SNX9: variants seen among roughly 807,000 people sequenced by gnomAD.
The protein encoded by SNX9 is sorting nexin 9.
In SNX9, 44 loss-of-function variants were observed where a neutral mutation model predicts 89.4. The observed-to-expected ratio is 0.49, with a 90% CI of 0.39 to 0.63. The LOEUF is 0.63. Among genes scored for constraint, SNX9 ranks in the 30% least tolerant of loss-of-function variants. The pLI, the probability that SNX9 is intolerant of heterozygous loss-of-function variation, is 0.00. For missense variants in SNX9, 578 were observed against 736.1 expected (o/e 0.79, Z 2.49); for synonymous variants, 236 against 247.8 (o/e 0.95, Z 0.45).
chr6:157,885,137 A>G (rs1782708366), intron 4 of SNX9: 1 of 152,226 alleles, frequency 6.6e-6, no homozygotes. Flanking sequence ...AATTATCTTT[A>G]TTTAAAAAAT....
intron 1 of SNX9, among the ~76,000 whole-genome samples, chr6:157,862,449 C>T (rs1782157905): frequency 6.6e-6 from 1 of 152,182 alleles, no homozygotes; most frequent in Non-Finnish European, 1.5e-5. Context: ...AACTTCACTT[C>T]TCGAGGGTGT....
chr6:157,913,605 A>C (rs187405506), intron 9 of SNX9, among the ~76,000 whole-genome samples: 11 of 152,234 alleles, frequency 7.2e-5, no homozygotes, highest in Admixed American at 5.2e-4. Context: ...CCACCACTAC[A>C]TTTCATGATA....
chr6:157,858,982 C>G (rs900955675), intron 1 of SNX9, among the ~76,000 whole-genome samples: 3 of 152,202 alleles, frequency 2.0e-5, no homozygotes, highest in African/African-American at 7.2e-5. Context: ...AACCATATCA[C>G]ATACTCTCCA....
intron 17 of SNX9, among the ~76,000 whole-genome samples, chr6:157,942,281 G>A (rs1784050567): frequency 6.6e-6 from 1 of 152,200 alleles, no homozygotes; most frequent in East Asian, 1.9e-4. Context: ...TCCAGGGATG[G>A]ATAAGACAGC....
At chr6:157,908,320 A>C (rs1354127053) in intron 7 of SNX9, among the ~76,000 whole-genome samples, 3 of 152,178 alleles carry the variant, frequency 2.0e-5, no homozygotes, top group African/African-American at 7.2e-5. Context: ...CTCTGAGTGA[A>C]TCTGCTTCCT....
chr6:157,932,119 A>C (rs1040046028), intron 12 of SNX9, 76 bp from the exon 13 acceptor site: 1 of 1,288,012 alleles, frequency 7.8e-7, no homozygotes, highest in Non-Finnish European at 1.1e-6. Context: ...AGTTACTGTA[A>C]TCACTTTTAG....
At chr6:157,844,587 G>GTTTTTTTGTTTTTTTTTTTTTTTT (rs1554291784) in intron 1 of SNX9, among the ~76,000 whole-genome samples, 13 of 130,296 alleles carry the variant, frequency 1.0e-4, no homozygotes, top group Admixed American at 1.5e-4. Flanking sequence ...GCTAATCCTT[G>GTTTTTTTGTTTTTTTTTTTTTTTT]TTTTTTTTTT....
In SNX9 at chr6:157,943,919, G is replaced by A. The variant is rs940342790; in HGVS notation, c.*1081G>A. On this transcript the variant is annotated 3_prime_UTR_variant, in exon 18 of 18. Transcript: ENST00000392185. ...TCCCCATTAGATGGAAAAGTGTAGG[G>A]ACTGAGAAGGGCTGCAGCCTCAGCA... 6.6e-6 allele frequency: 1 copy of A among 152,278 alleles called. No homozygotes were observed. The highest frequency in any genetic ancestry group is 1.9e-4 in the East Asian group (1 of 5,202). The allele number at this position is 152,278 out of a possible 1,614,324, so 9.4% of individuals were successfully genotyped here.
At chr6:157,907,089 C>G (rs1183549960) in intron 7 of SNX9, among the ~76,000 whole-genome samples, 1 of 152,148 alleles carries the variant, frequency 6.6e-6, no homozygotes, top group Non-Finnish European at 1.5e-5. Context: ...GAGCTGTAAC[C>G]AAGAGCCCTT....
intron 15 of SNX9, 116 bp from the exon 16 acceptor site, chr6:157,938,513 TGTGG>T: frequency 6.7e-6 from 4 of 597,020 alleles, no homozygotes. Flanking sequence ...CTTCTTATTT[TGTGG>T]AGGTATTTCC....
intron 1 of SNX9, among the ~76,000 whole-genome samples, chr6:157,840,755 G>A (rs1781688874): frequency 6.6e-6 from 1 of 152,024 alleles, no homozygotes; most frequent in Admixed American, 6.6e-5. Flanking sequence ...AAATCAGCTG[G>A]GAGAAAAAAC....
intron 13 of SNX9, among the ~76,000 whole-genome samples, chr6:157,934,566 A>G (rs538317025): frequency 3.9e-5 from 6 of 152,366 alleles, no homozygotes; most frequent in East Asian, 3.8e-4. Flanking sequence ...CAGAAAGACT[A>G]TAAGAATGTT....
Position 157,928,715 on chromosome 6 carries a change from C to A in SNX9, c.1288+13C>A. ...CGCTGCACGGGCCGTAAGTCCACTC[C>A]TCACAGTGCACTGGGCTCGTAGGGG... On this transcript the variant is annotated intron_variant, in intron 12 of 17. Coordinates refer to ENST00000392185, the MANE Select transcript of SNX9 (RefSeq NM_016224.5). The A allele has an allele frequency of 6.4e-7, 1 of 1,572,110 alleles. No homozygotes were observed. Among genetic ancestry groups the A allele is most frequent in the Non-Finnish European group, 8.6e-7 (1 of 1,159,044 alleles).
At chr6:157,884,963 A>G (rs1421597499) in intron 4 of SNX9, among the ~76,000 whole-genome samples, 1 of 152,132 alleles carries the variant, frequency 6.6e-6, no homozygotes, top group African/African-American at 2.4e-5. Flanking sequence ...TTTCACATGG[A>G]CTTCTCTTAG....
At chr6:157,889,069 G>A (rs553374280) in intron 4 of SNX9, among the ~76,000 whole-genome samples, 4 of 152,276 alleles carry the variant, frequency 2.6e-5, no homozygotes, top group Middle Eastern at 3.4e-3. Context: ...TGAAGGAGCC[G>A]AGGGGATTAT....
At chr6:157,889,962 G>A (rs1332465339) in intron 4 of SNX9, among the ~76,000 whole-genome samples, 1 of 152,174 alleles carries the variant, frequency 6.6e-6, no homozygotes, top group East Asian at 1.9e-4. Context: ...TATAGCCATT[G>A]TATAAGTGTG....
chr6:157,911,860 T>C (rs1320821489), intron 9 of SNX9, among the ~76,000 whole-genome samples: 1 of 152,228 alleles, frequency 6.6e-6, no homozygotes, highest in Non-Finnish European at 1.5e-5. Context: ...TTGGAACACA[T>C]TTCAAAAATT....
rs1267700153 is a variant in SNX9 at position 157,938,688 on chromosome 6, C to T, written c.1589C>T (p.Thr530Ile). The T allele has an allele frequency of 1.9e-6, 3 of 1,613,974 alleles. No individual in the cohort carries two copies. The highest frequency in any genetic ancestry group is 2.2e-5 in the East Asian group (1 of 44,884). The stretch of plus-strand genomic sequence containing the variant: ...AAACTAGTTGCAACAAGTAAAATCA[C>T]CCTACAAGACAAACAGAACATGGTG... ...SDKLVATSKI[T>I]LQDKQNMVKR... Residue 530 changes from threonine to isoleucine, a missense_variant, in exon 16 of 18, where the codon ACC becomes ATC. By Grantham distance (89) the Thr-to-Ile change is moderately conservative. Transcript: ENST00000392185.
chr6:157,928,750 G>A (rs934099944), intron 12 of SNX9, 48 bp downstream of exon 12: 5 of 1,427,840 alleles, frequency 3.5e-6, no homozygotes, highest in East Asian at 2.6e-5. Flanking sequence ...GGTGATGCAG[G>A]CTCAGTTTTA....
Sources: allele counts gnomAD v4.1 joint callset (sites outside exome capture counted in the v4.1 genomes callset), GRCh38; gene constraint gnomAD v4.1.1; transcripts MANE v1.5; gene names NCBI Gene and HGNC (gene_info 2026-07-23, HGNC 2026-07-21).